The following SDK1 variants were observed in gnomAD, a reference collection of about 807,000 sequenced individuals.
The protein encoded by SDK1 is sidekick cell adhesion molecule 1, also known as protein sidekick-1.
In SDK1, 157 loss-of-function variants were observed where a neutral mutation model predicts 245.5. That is an observed-to-expected ratio of 0.64 (90% CI 0.56 to 0.73). SDK1 has a LOEUF of 0.73. Among genes scored for constraint, SDK1 ranks in the 30% least tolerant of loss-of-function variants. SDK1 has a pLI of 0.00. For synonymous variants in SDK1, 1,647 were observed against 1,278.5 expected (o/e 1.29, Z -6.15); for missense variants, 3,583 against 3,002.3 (o/e 1.19, Z -4.52).
intron 4 of SDK1, among the ~76,000 whole-genome samples, chr7:3,754,200 A>G (rs370867740): frequency 6.6e-6 from 1 of 152,338 alleles, no homozygotes; most frequent in East Asian, 1.9e-4. Flanking sequence ...TTACATTTTC[A>G]TACAGTTGTC....
At position 3,464,706 on chromosome 7, in the gene SDK1, A is replaced by ATATATATG. The variant is rs1302766596; in HGVS notation, c.299-154367_299-154366insGTATATAT. Reference sequence around the variant, plus strand: ...GTTCATTGTGTATGTATGTATATATATATATATATACACACACACACATAT... The same window carrying ATATATATG: ...GTTCATTGTGTATGTATGTATATATATATATATGTATATATATACACACACACACATAT... On this transcript the variant is annotated intron_variant, in intron 1 of 44. Transcript: ENST00000404826. Among the ~76,000 whole-genome samples, 9 of 151,416 alleles carry ATATATATG rather than the reference A, an allele frequency of 5.9e-5. 1 individual carries two copies. Among genetic ancestry groups the ATATATATG allele is most frequent in the African/African-American group, 2.2e-4 (9 of 41,066 alleles).
chr7:3,910,891 C>T (rs909255335), intron 5 of SDK1, among the ~76,000 whole-genome samples: 1 of 152,172 alleles, frequency 6.6e-6, no homozygotes, highest in Non-Finnish European at 1.5e-5. Flanking sequence ...ATAAATGTGG[C>T]CCACGCTGTG....
intron 22 of SDK1, 95 bp from the exon 23 acceptor site, chr7:4,110,568 C>T: frequency 1.2e-6 from 1 of 869,404 alleles, no homozygotes; most frequent in Non-Finnish European, 1.9e-6. Context: ...GCAGCCCTGC[C>T]CAGCTCACCA....
chr7:3,876,448 G>T (rs1013590749), intron 5 of SDK1, among the ~76,000 whole-genome samples: 2 of 152,144 alleles, frequency 1.3e-5, no homozygotes, highest in Admixed American at 6.5e-5. Context: ...AAGCCAGGAA[G>T]AATTCAATAT....
At chr7:3,330,466 G>C (rs1211810549) in intron 1 of SDK1, among the ~76,000 whole-genome samples, 2 of 152,144 alleles carry the variant, frequency 1.3e-5, no homozygotes, top group Non-Finnish European at 2.9e-5. Flanking sequence ...ATTAGATAAA[G>C]GTCATCAGGG....
intron 7 of SDK1, among the ~76,000 whole-genome samples, chr7:3,956,993 A>G (rs149077009): frequency 3.3e-5 from 5 of 152,320 alleles, no homozygotes; most frequent in African/African-American, 7.2e-5. Context: ...GGTGCCGACC[A>G]TTGTTATCTA....
At chr7:3,937,891 G>A (rs1034579782) in intron 5 of SDK1, among the ~76,000 whole-genome samples, 1 of 152,022 alleles carries the variant, frequency 6.6e-6, no homozygotes, top group Non-Finnish European at 1.5e-5. Flanking sequence ...AGACTGGAGT[G>A]CAGTGACGTA....
intron 35 of SDK1, among the ~76,000 whole-genome samples, chr7:4,203,168 G>T (rs1391864493): frequency 6.6e-6 from 1 of 152,226 alleles, no homozygotes; most frequent in East Asian, 1.9e-4. Context: ...CCAGCGCCCA[G>T]CCACGCAAGG....
At chr7:4,099,117 T>C (rs1782368823) in intron 22 of SDK1, among the ~76,000 whole-genome samples, 1 of 151,814 alleles carries the variant, frequency 6.6e-6, no homozygotes, top group Non-Finnish European at 1.5e-5. Context: ...GGTTGGACCT[T>C]GAAGGGGACA....
intron 1 of SDK1, among the ~76,000 whole-genome samples, chr7:3,464,330 C>G (rs905352902): frequency 6.6e-6 from 1 of 152,082 alleles, no homozygotes; most frequent in African/African-American, 2.4e-5. Context: ...TCTAGGCCAG[C>G]CTGAGTAACA....
At chr7:3,487,099 T>C (rs1472328199) in intron 1 of SDK1, among the ~76,000 whole-genome samples, 1 of 152,200 alleles carries the variant, frequency 6.6e-6, no homozygotes. Flanking sequence ...TAAATGCAAG[T>C]GCAGCTCTGT....
At chr7:4,032,882 T>C (rs1787931957) in intron 17 of SDK1, among the ~76,000 whole-genome samples, 1 of 152,138 alleles carries the variant, frequency 6.6e-6, no homozygotes, top group African/African-American at 2.4e-5. Flanking sequence ...CACAGGGAAG[T>C]TAGTGCTCCT....
At chr7:3,725,856 AT>A (rs1438266167) in intron 4 of SDK1, among the ~76,000 whole-genome samples, 44 of 152,352 alleles carry the variant, frequency 2.9e-4, no homozygotes, top group African/African-American at 1.1e-3. Context: ...AGTTTCTAAA[AT>A]TACTGCAGTC....
At chr7:3,644,923 G>T (rs1418990478) in intron 4 of SDK1, among the ~76,000 whole-genome samples, 1 of 151,854 alleles carries the variant, frequency 6.6e-6, no homozygotes, top group Non-Finnish European at 1.5e-5. Flanking sequence ...GGGAGAATTG[G>T]TACCAGGGAT....
intron 17 of SDK1, among the ~76,000 whole-genome samples, chr7:4,041,270 ATGCATAGTTTTGTTTTACT>A: frequency 6.6e-6 from 1 of 150,432 alleles, no homozygotes; most frequent in South Asian, 2.1e-4. Context: ...CAGGAACCAC[ATGCATAGTTTTGTTTTACT>A]TTTTTTTTTT....
chr7:3,631,908 T>C (rs6959706), intron 2 of SDK1, among the ~76,000 whole-genome samples: 57,807 of 152,046 alleles, frequency 0.38, 12,387 homozygotes, highest in African/African-American at 0.58. Flanking sequence ...TTAATTTGCT[T>C]ATGCTTATAA....
rs1785138527 is a variant in SDK1, at chr7:4,221,247, G to A, written c.5710G>A (p.Gly1904Ser). The change falls in exon 40 of 45, where the codon GGC becomes AGC. Residue 1904 changes from glycine (G) to serine (S), a missense_variant. Physicochemically the swap from Gly to Ser is moderately conservative, Grantham distance 56. Coordinates refer to ENST00000404826, the MANE Select transcript of SDK1 (RefSeq NM_152744.4). ...TCTTCTTTATCCCGCAGGATCCCCG[G>A]GCTCGCCTAGAGATGTCCTGGTCAC... ...ITAGPAEGSPGSPRDVLVTKS... is the reference protein window; with the variant it reads ...ITAGPAEGSPSSPRDVLVTKS... 2 of 1,613,402 alleles carry A rather than the reference G, an allele frequency of 1.2e-6. No individual in the cohort carries two copies. Among genetic ancestry groups the A allele is most frequent in the Admixed American group, 1.7e-5 (1 of 60,002 alleles).
intron 1 of SDK1, chr7:3,302,471 C>T (rs887510842): frequency 1.2e-4 from 19 of 152,120 alleles, no homozygotes; most frequent in African/African-American, 3.9e-4. Context: ...TGTTTTTCTC[C>T]CTCTATTGGC....
chr7:3,946,780 T>G (rs924576920), intron 5 of SDK1, among the ~76,000 whole-genome samples: 10 of 151,836 alleles, frequency 6.6e-5, no homozygotes, highest in African/African-American at 2.2e-4. Context: ...AGTCTCAGAG[T>G]GACGAGTCCA....
Sources: gnomAD v4.1 joint callset for allele counts (sites outside exome capture counted in the v4.1 genomes callset) on GRCh38, gnomAD v4.1.1 for gene constraint, MANE v1.5 for transcripts, NCBI Gene and HGNC (gene_info 2026-07-23, HGNC 2026-07-21) for gene names.